The following R3HDM1 variants were observed in gnomAD, a reference collection of about 807,000 sequenced individuals.
R3HDM1 encodes the protein R3H domain-containing protein 1.
R3HDM1 carries 46 observed loss-of-function variants against 141.1 expected under a neutral mutation model. That is an observed-to-expected ratio of 0.33 (90% confidence interval 0.26 to 0.42). The LOEUF is 0.42. R3HDM1 is among the 10% of genes least tolerant of loss of function. The probability of loss-of-function intolerance (pLI) is 1.00; values close to 1 mark genes in which losing one functional copy is unlikely to be tolerated. For synonymous variants in R3HDM1, 435 were observed against 472.9 expected (o/e 0.92, Z 1.04); for missense variants, 1,184 against 1,368.3 (o/e 0.87, Z 2.12).
intron 7 of R3HDM1, among the ~76,000 whole-genome samples, chr2:135,629,395 T>C (rs570146037): frequency 6.6e-6 from 1 of 152,130 alleles, no homozygotes; most frequent in South Asian, 2.1e-4. Flanking sequence ...TGGGAAAACT[T>C]TAGGAAGTAA....
At chr2:135,668,421 A>G (rs567653160) in intron 19 of R3HDM1, among the ~76,000 whole-genome samples, 21 of 152,350 alleles carry the variant, frequency 1.4e-4, no homozygotes, top group African/African-American at 4.3e-4. Flanking sequence ...AGAATGAGTG[A>G]TAAAACATTT....
At chr2:135,659,716 G>C (rs2066444701) in intron 18 of R3HDM1, among the ~76,000 whole-genome samples, 1 of 152,182 alleles carries the variant, frequency 6.6e-6, no homozygotes, top group Non-Finnish European at 1.5e-5. Context: ...GGGAGTACAG[G>C]CGTCAGCTGC....
At chr2:135,703,886 T>C (rs2074550748) in intron 21 of R3HDM1, among the ~76,000 whole-genome samples, 1 of 152,204 alleles carries the variant, frequency 6.6e-6, no homozygotes, top group South Asian at 2.1e-4. Flanking sequence ...TTACTATGAC[T>C]TTGAGAAAGC....
chr2:135,635,793 T>G, intron 9 of R3HDM1, 97 bp from the exon 10 acceptor site: 2 of 1,432,158 alleles, frequency 1.4e-6, no homozygotes, highest in Non-Finnish European at 1.9e-6. Flanking sequence ...AGTGGTAACT[T>G]ATTTTATTTC....
chr2:135,684,644 G>A (rs979837570), intron 21 of R3HDM1, among the ~76,000 whole-genome samples: 5 of 152,122 alleles, frequency 3.3e-5, no homozygotes, highest in African/African-American at 7.2e-5. Flanking sequence ...ACAGGCTAGG[G>A]TGTGTTCTGT....
At chr2:135,720,225 T>C (rs1199095678) in intron 24 of R3HDM1, among the ~76,000 whole-genome samples, 1 of 152,210 alleles carries the variant, frequency 6.6e-6, no homozygotes, top group Non-Finnish European at 1.5e-5. Flanking sequence ...TATCTGCCCT[T>C]CCATCTATAG....
At chr2:135,555,349 A>T (rs906706672) in intron 1 of R3HDM1, among the ~76,000 whole-genome samples, 1 of 152,132 alleles carries the variant, frequency 6.6e-6, no homozygotes, top group African/African-American at 2.4e-5. Context: ...CGGAAATACA[A>T]ATCAAAGCCA....
At chr2:135,548,496 A>G (rs1356222410) in intron 1 of R3HDM1, among the ~76,000 whole-genome samples, 1 of 152,214 alleles carries the variant, frequency 6.6e-6, no homozygotes, top group Non-Finnish European at 1.5e-5. Flanking sequence ...AATTGTATAC[A>G]TGTCTACAAC....
chr2:135,592,752 T>A (rs896753479), intron 1 of R3HDM1, among the ~76,000 whole-genome samples: 3 of 152,030 alleles, frequency 2.0e-5, no homozygotes, highest in Middle Eastern at 3.4e-3. Flanking sequence ...TTTTATTATT[T>A]TTTTTTATTT....
At chr2:135,541,406 C>T (rs1212643269) in intron 1 of R3HDM1, among the ~76,000 whole-genome samples, 1 of 152,094 alleles carries the variant, frequency 6.6e-6, no homozygotes, top group Non-Finnish European at 1.5e-5. Context: ...GACGAGGTTT[C>T]ACCTTGTTAG....
Position 135,710,346 on chromosome 2 carries a change from C to T in R3HDM1, c.2736+115C>T, listed in dbSNP as rs552261061. On this transcript the variant is annotated intron_variant, in intron 23 of 26. Transcript: ENST00000683871. ...GCCAGATTAATAAAAGAATTTGGGC[C>T]AGGCGCGGTGGCTCTCCCCTGTAAT... The T allele has an allele frequency of 2.1e-5, 24 of 1,139,744 alleles. No homozygotes were observed. In the African/African-American group the frequency reaches 3.8e-4, roughly 18 times the overall value. The allele number at this position is 1,139,744 out of a possible 1,614,324, so 70.6% of individuals were successfully genotyped here.
chr2:135,655,400 A>G (rs1245394372), intron 18 of R3HDM1, among the ~76,000 whole-genome samples: 1 of 152,070 alleles, frequency 6.6e-6, no homozygotes, highest in African/African-American at 2.4e-5. Context: ...CCAGTACTAC[A>G]TTGTTTTGAT....
At chr2:135,646,513 G>A (rs1318024271) in intron 16 of R3HDM1, among the ~76,000 whole-genome samples, 2 of 151,802 alleles carry the variant, frequency 1.3e-5, no homozygotes, top group Non-Finnish European at 2.9e-5. Flanking sequence ...GCAAGACTCA[G>A]TATTCCATTG....
intron 1 of R3HDM1, among the ~76,000 whole-genome samples, chr2:135,574,471 G>A (rs1450813265): frequency 3.9e-5 from 6 of 152,160 alleles, no homozygotes; most frequent in African/African-American, 1.4e-4. Context: ...TTGGAATGTT[G>A]GAAAGCTTCT....
chr2:135,723,027 A>G (rs1575285803), intron 26 of R3HDM1, among the ~76,000 whole-genome samples: 1 of 152,202 alleles, frequency 6.6e-6, no homozygotes, highest in South Asian at 2.1e-4. Context: ...GTTTGAGATC[A>G]CCTAATTTAG....
intron 16 of R3HDM1, chr2:135,649,057 A>G (rs1306828607): frequency 2.0e-5 from 3 of 149,608 alleles, no homozygotes; most frequent in Non-Finnish European, 3.0e-5. Flanking sequence ...CACCATATAT[A>G]TATATTTGGG....
intron 1 of R3HDM1, among the ~76,000 whole-genome samples, chr2:135,547,619 T>A (rs1025147516): frequency 6.6e-6 from 1 of 152,058 alleles, no homozygotes; most frequent in Non-Finnish European, 1.5e-5. Context: ...CCTACTAGGT[T>A]GAATCAACTG....
intron 20 of R3HDM1, 86 bp downstream of exon 20, chr2:135,675,572 T>A: frequency 7.6e-7 from 1 of 1,314,404 alleles, no homozygotes; most frequent in Non-Finnish European, 1.0e-6. Context: ...TATGCTCTCC[T>A]TTTAATACAG....
intron 1 of R3HDM1, among the ~76,000 whole-genome samples, chr2:135,597,630 A>G (rs1193082182): frequency 2.0e-5 from 3 of 152,204 alleles, no homozygotes; most frequent in African/African-American, 7.2e-5. Flanking sequence ...CTCTAAGAGA[A>G]AAAACATAAC....
Sources: gnomAD v4.1 joint callset for allele counts (sites outside exome capture counted in the v4.1 genomes callset) on GRCh38, gnomAD v4.1.1 for gene constraint, MANE v1.5 for transcripts, NCBI Gene and HGNC (gene_info 2026-07-23, HGNC 2026-07-21) for gene names.